Variants in PPL observed in about 807,000 individuals in gnomAD.
PPL encodes the protein periplakin, also known as 190 kDa paraneoplastic pemphigus antigen.
In PPL, 198 loss-of-function variants were observed where a neutral mutation model predicts 194.4. The observed-to-expected ratio is 1.02, with a 90% CI of 0.91 to 1.15. The LOEUF (loss-of-function observed/expected upper bound fraction) is 1.15, where lower values mean the gene tolerates loss of function less well. PPL is among the 50% of genes most tolerant of loss of function. PPL has a pLI of 0.00. For synonymous variants in PPL, 1,220 were observed against 972.4 expected (o/e 1.25, Z -4.74); for missense variants, 2,885 against 2,294.8 (o/e 1.26, Z -5.25).
intron 3 of PPL, among the ~76,000 whole-genome samples, chr16:4,903,591 A>C (rs2088620440): frequency 6.6e-6 from 1 of 152,000 alleles, no homozygotes; most frequent in South Asian, 2.1e-4. Context: ...ATGGTGGTGC[A>C]TGCCTGTAAT....
chr16:4,889,952 G>A (rs191036939), intron 18 of PPL, among the ~76,000 whole-genome samples: 23 of 152,378 alleles, frequency 1.5e-4, no homozygotes, highest in African/African-American at 5.0e-4. Flanking sequence ...TGTCCATTCT[G>A]CACCAGGCCC....
chr16:4,889,887 C>A (rs946846320), intron 18 of PPL, among the ~76,000 whole-genome samples: 5 of 152,234 alleles, frequency 3.3e-5, no homozygotes, highest in African/African-American at 1.2e-4. Context: ...ATTTCCCCCA[C>A]AAAGGCGGCT....
intron 2 of PPL, among the ~76,000 whole-genome samples, chr16:4,909,751 C>T (rs1217395626): frequency 6.6e-6 from 1 of 152,086 alleles, no homozygotes; most frequent in East Asian, 1.9e-4. Flanking sequence ...TCTTAGTCGC[C>T]CCTGCATAGG....
rs1596553938 is a variant in PPL at position 4,897,674 on chromosome 16, C to T, written c.972+1G>A. 1.2e-6 allele frequency: 2 copies of T among 1,612,638 alleles called. No individual in the cohort carries two copies. The highest frequency in any genetic ancestry group is 8.5e-7 in the Non-Finnish European group (1 of 1,179,158). On this transcript the variant is annotated splice_donor_variant, in intron 9 of 21. Coordinates refer to ENST00000345988, the MANE Select transcript of PPL (RefSeq NM_002705.5). LOFTEE classifies it high-confidence loss of function. ...GGGGGACTCCCAGGAAAGGTAAGTACCTGGTGGTAGTCCTCCATGTACTTG... is the reference window on the plus strand; with the variant it reads ...GGGGGACTCCCAGGAAAGGTAAGTATCTGGTGGTAGTCCTCCATGTACTTG...
At chr16:4,927,820 T>A (rs1470533455) in intron 1 of PPL, among the ~76,000 whole-genome samples, 1 of 152,230 alleles carries the variant, frequency 6.6e-6, no homozygotes, top group African/African-American at 2.4e-5. Flanking sequence ...TAGGGTTCTG[T>A]GTCAGGTGAG....
chr16:4,885,959 A>G lies in PPL; in HGVS notation c.2696T>C (p.Leu899Pro). 6 of 1,613,654 alleles carry G rather than the reference A, an allele frequency of 3.7e-6. No homozygotes were observed. Among genetic ancestry groups the G allele is most frequent in the Non-Finnish European group, 5.1e-6 (6 of 1,180,012 alleles). Residue 899 changes from leucine (L) to proline (P), a missense_variant, in exon 22 of 22, where the codon CTG (leucine) becomes CCG (proline). Physicochemically the swap from Leu to Pro is moderately conservative, Grantham distance 98. Transcript: ENST00000345988. This position sits in a 1 kb window ranked among gnomAD's most constrained non-coding sequence, Gnocchi z 6.3. Reference sequence around the variant, plus strand: ...CCGCCTCCGCTCAGTCTCCTCATCCAGTTCCTTCCTGATCTTCCACGCCTC... The same window carrying G: ...CCGCCTCCGCTCAGTCTCCTCATCCGGTTCCTTCCTGATCTTCCACGCCTC... Reference protein sequence around the residue: ...VEEAWKIRKELDEETERRRQL... With the variant: ...VEEAWKIRKEPDEETERRRQL...
chr16:4,934,218 C>T (rs914792253), intron 1 of PPL, among the ~76,000 whole-genome samples: 3 of 152,084 alleles, frequency 2.0e-5, no homozygotes, highest in Non-Finnish European at 2.9e-5. Flanking sequence ...ACCCGGGCAA[C>T]GGGAGCAACG....
intron 1 of PPL, among the ~76,000 whole-genome samples, chr16:4,931,614 G>A (rs565372262): frequency 8.5e-5 from 13 of 152,306 alleles, no homozygotes; most frequent in South Asian, 2.1e-4. Flanking sequence ...CGGTAACACC[G>A]GCACAGACCT....
chr16:4,890,950 G>A, intron 16 of PPL, 29 bp from the exon 17 acceptor site: 1 of 1,485,226 alleles, frequency 6.7e-7, no homozygotes, highest in Non-Finnish European at 9.0e-7. Context: ...AGACGGCGGT[G>A]CTACGGCCAG....
chr16:4,908,880 G>A (rs1011684819), intron 2 of PPL, among the ~76,000 whole-genome samples: 5 of 152,184 alleles, frequency 3.3e-5, no homozygotes, highest in Non-Finnish European at 5.9e-5. Flanking sequence ...TTTATCCATC[G>A]TGAAATGTGT....
intron 21 of PPL, 84 bp from the exon 22 acceptor site, chr16:4,886,131 T>G (rs1596543576): frequency 6.4e-7 from 1 of 1,556,912 alleles, no homozygotes; most frequent in South Asian, 1.2e-5. Flanking sequence ...AGAGTGGCTG[T>G]CCTGTGGTCC....
In PPL at chr16:4,902,230, G is replaced by A. The variant is rs1398419170; in HGVS notation, c.438+176C>T. ...GCTTGAGCTGTGTGACCCTGACTTC[G>A]TGCTGCACTTCTCTGAGCCTCACTC... On this transcript the variant is annotated intron_variant, in intron 4 of 21. Coordinates refer to ENST00000345988, the MANE Select transcript of PPL (RefSeq NM_002705.5). This position sits in a 1 kb window ranked among gnomAD's most constrained non-coding sequence, Gnocchi z 4.0. Among the ~76,000 whole-genome samples, 2 of 152,160 alleles carry A rather than the reference G, an allele frequency of 1.3e-5. No homozygotes were observed. The highest frequency in any genetic ancestry group is 6.5e-5 in the Admixed American group (1 of 15,270).
Position 4,885,737 on chromosome 16 carries a change from G to A in PPL, c.2918C>T (p.Ala973Val). ...KNQLLQEELE[A>V]LQLQLRALEQ... ...CAGGGCACGCAGCTGCAGCTGCAGTGCCTCCAGCTCCTCCTGCAGCAGCTG... is the reference window on the plus strand; with the variant it reads ...CAGGGCACGCAGCTGCAGCTGCAGTACCTCCAGCTCCTCCTGCAGCAGCTG... The change falls in exon 22 of 22, where the codon GCA becomes GTA. Residue 973 changes from alanine to valine, a missense_variant. By Grantham distance (64) the Ala-to-Val change is moderately conservative. Transcript: ENST00000345988. The surrounding 1 kb of genome is among the most constrained non-coding windows in gnomAD (Gnocchi z 6.3). 1 of 1,612,974 alleles carries A rather than the reference G, an allele frequency of 6.2e-7. No homozygotes were observed.
intron 1 of PPL, among the ~76,000 whole-genome samples, chr16:4,931,547 C>T (rs2089225265): frequency 6.6e-6 from 1 of 152,152 alleles, no homozygotes; most frequent in South Asian, 2.1e-4. Flanking sequence ...AGGCCGTTTC[C>T]CCATTCGCTC....
intron 1 of PPL, among the ~76,000 whole-genome samples, chr16:4,920,690 T>G (rs115227498): frequency 0.015 from 2,272 of 152,300 alleles, 61 homozygotes; most frequent in African/African-American, 0.051. Context: ...CTTGAACTCC[T>G]GATCAGGTGA....
At chr16:4,904,171 T>C (rs775828843) in intron 2 of PPL, 131 bp from the exon 3 acceptor site, 10 of 984,194 alleles carry the variant, frequency 1.0e-5, no homozygotes, top group Non-Finnish European at 1.5e-5. Flanking sequence ...CTTCCAGGCT[T>C]GTCCATATGG....
chr16:4,884,061 C>G lies in PPL; in HGVS notation c.4594G>C (p.Glu1532Gln), dbSNP rs537543670. 5.2e-5 allele frequency: 84 copies of G among 1,613,198 alleles called. 1 individual carries two copies. The South Asian group carries it at 8.7e-4, about 17-fold the overall frequency. ...AGCCGGCTCACCTCGACGTCCAGCTCGCGCTTGCTGCGGCTCTCCTCCTCC... is the reference window on the plus strand; with the variant it reads ...AGCCGGCTCACCTCGACGTCCAGCTGGCGCTTGCTGCGGCTCTCCTCCTCC... ...SLEEESRSKRELDVEVSRLEA... is the reference protein window; with the variant it reads ...SLEEESRSKRQLDVEVSRLEA... The change falls in exon 22 of 22, where the codon GAG becomes CAG. Residue 1532 changes from glutamate (E) to glutamine (Q), a missense_variant. Transcript: ENST00000345988. This position sits in a 1 kb window ranked among gnomAD's most constrained non-coding sequence, Gnocchi z 5.7.
At chr16:4,919,876 C>T (rs1009919545) in intron 1 of PPL, among the ~76,000 whole-genome samples, 1 of 152,114 alleles carries the variant, frequency 6.6e-6, no homozygotes, top group African/African-American at 2.4e-5. Context: ...CTGCAGTGAG[C>T]TGAGTGAGAT....
chr16:4,890,592 G>T, intron 17 of PPL, 136 bp downstream of exon 17: 1 of 1,139,216 alleles, frequency 8.8e-7, no homozygotes, highest in Non-Finnish European at 1.2e-6. Flanking sequence ...AGAGACCACA[G>T]GGCCGTCAGA....
Sources: allele counts gnomAD v4.1 joint callset (sites outside exome capture counted in the v4.1 genomes callset), GRCh38; gene constraint gnomAD v4.1.1; non-coding constraint Gnocchi (gnomAD v3.1); transcripts MANE v1.5; gene names NCBI Gene and HGNC (gene_info 2026-07-23, HGNC 2026-07-21).